KCNH8: variants seen among roughly 807,000 people sequenced by gnomAD.
The protein encoded by KCNH8 is voltage-gated delayed rectifier potassium channel KCNH8.
A neutral mutation model predicts 103.6 loss-of-function variants in KCNH8; 70 were observed. The observed-to-expected ratio is 0.68, with a 90% CI of 0.56 to 0.82. The LOEUF (loss-of-function observed/expected upper bound fraction) is 0.82, where lower values mean the gene tolerates loss of function less well. Among genes scored for constraint, KCNH8 ranks in the 40% least tolerant of loss-of-function variants. The pLI is 0.00. For synonymous variants in KCNH8, 498 were observed against 489.4 expected, an observed-to-expected ratio of 1.02 and a Z score of -0.23; for missense variants, 1,217 against 1,329.9, an observed-to-expected ratio of 0.92 and a Z score of 1.32.
intron 4 of KCNH8, among the ~76,000 whole-genome samples, chr3:19,345,358 C>G (rs773938929): frequency 6.6e-6 from 1 of 152,000 alleles, no homozygotes; most frequent in Non-Finnish European, 1.5e-5. Flanking sequence ...TTCTCTTGCT[C>G]ATTCAGATGA....
intron 1 of KCNH8, among the ~76,000 whole-genome samples, chr3:19,179,247 T>C (rs1404147301): frequency 6.6e-6 from 1 of 152,132 alleles, no homozygotes; most frequent in Non-Finnish European, 1.5e-5. Flanking sequence ...TCTGTGGTGA[T>C]AGTAAAATAC....
chr3:19,411,643 A>G (rs2066780950), intron 7 of KCNH8, among the ~76,000 whole-genome samples: 2 of 152,138 alleles, frequency 1.3e-5, no homozygotes, highest in South Asian at 4.2e-4. Flanking sequence ...CCTGAAACTG[A>G]TAAACAACTT....
chr3:19,274,686 T>C (rs1286607566), intron 2 of KCNH8, among the ~76,000 whole-genome samples: 1 of 152,076 alleles, frequency 6.6e-6, no homozygotes, highest in African/African-American at 2.4e-5. Context: ...ATTAGAGATT[T>C]CTGAGAGGTG....
In KCNH8 at chr3:19,324,310, A is replaced by G. The variant is rs2065391261; in HGVS notation, c.443-18277A>G. Among the ~76,000 whole-genome samples, 3 of 152,322 alleles carry G rather than the reference A, an allele frequency of 2.0e-5. No homozygotes were observed. The South Asian group carries it at 6.2e-4, about 32-fold the overall frequency. On this transcript the variant is annotated intron_variant, in intron 3 of 15. Coordinates refer to ENST00000328405, the MANE Select transcript of KCNH8 (RefSeq NM_144633.3). ...GGGAGGCCTCGGGAAACTTACAATC[A>G]TGGCAGAAGGTAAAGAAGAAAGCAA...
intron 9 of KCNH8, chr3:19,450,865 T>A (rs1486251621): frequency 1.3e-5 from 5 of 381,844 alleles, no homozygotes; most frequent in Non-Finnish European, 2.4e-5. Flanking sequence ...CTGTCCTGAC[T>A]AGGACTCTCT....
At chr3:19,300,765 T>A (rs2065054851) in intron 3 of KCNH8, among the ~76,000 whole-genome samples, 1 of 151,914 alleles carries the variant, frequency 6.6e-6, no homozygotes, top group African/African-American at 2.4e-5. Context: ...ATTTAGATGT[T>A]ATATCCAACC....
At chr3:19,168,239 G>C (rs908198097) in intron 1 of KCNH8, among the ~76,000 whole-genome samples, 14 of 151,936 alleles carry the variant, frequency 9.2e-5, no homozygotes, top group Non-Finnish European at 1.5e-4. Context: ...TGTTGAGTAG[G>C]CTGGTCACTA....
intron 3 of KCNH8, among the ~76,000 whole-genome samples, chr3:19,317,656 AT>A (rs2065291065): frequency 6.6e-6 from 1 of 151,860 alleles, no homozygotes; most frequent in Admixed American, 6.6e-5. Flanking sequence ...GTCAATCATA[AT>A]CATAATAAAT....
At chr3:19,149,471 A>G (rs2063107937) in intron 1 of KCNH8, among the ~76,000 whole-genome samples, 1 of 151,912 alleles carries the variant, frequency 6.6e-6, no homozygotes, top group African/African-American at 2.4e-5. Flanking sequence ...TTGAGTACGA[A>G]TATTATTGGA....
chr3:19,254,587 A>G (rs150527992), intron 2 of KCNH8, among the ~76,000 whole-genome samples: 1 of 152,282 alleles, frequency 6.6e-6, no homozygotes, highest in Non-Finnish European at 1.5e-5. Flanking sequence ...AGTTCTATGT[A>G]GGAATACATA....
intron 3 of KCNH8, among the ~76,000 whole-genome samples, chr3:19,321,132 C>A (rs573170689): frequency 1.3e-5 from 2 of 151,884 alleles, no homozygotes; most frequent in East Asian, 3.9e-4. Context: ...TTTAAAGAAC[C>A]AGGTTTTTGG....
chr3:19,485,310 C>T (rs966708385), intron 11 of KCNH8, among the ~76,000 whole-genome samples: 1 of 152,206 alleles, frequency 6.6e-6, no homozygotes, highest in African/African-American at 2.4e-5. Flanking sequence ...GTTACCTCCA[C>T]ATTTTGGCAT....
intron 1 of KCNH8, among the ~76,000 whole-genome samples, chr3:19,184,874 A>C (rs1411044239): frequency 6.6e-6 from 1 of 151,974 alleles, no homozygotes; most frequent in Non-Finnish European, 1.5e-5. Flanking sequence ...AGAATCATAC[A>C]ATATGTAGTC....
intron 1 of KCNH8, among the ~76,000 whole-genome samples, chr3:19,174,721 C>A (rs1444597924): frequency 6.6e-6 from 1 of 152,136 alleles, no homozygotes; most frequent in Non-Finnish European, 1.5e-5. Flanking sequence ...AATCACTATT[C>A]TCCTAGTGGT....
intron 8 of KCNH8, among the ~76,000 whole-genome samples, chr3:19,441,164 A>G (rs769187964): frequency 3.9e-5 from 6 of 152,134 alleles, no homozygotes; most frequent in Admixed American, 6.5e-5. Context: ...CTCCTCAGAC[A>G]ATCTTGCATC....
chr3:19,435,489 C>G (rs1268336294), intron 7 of KCNH8, among the ~76,000 whole-genome samples: 1 of 152,128 alleles, frequency 6.6e-6, no homozygotes, highest in East Asian at 1.9e-4. Context: ...GCACAGGTAG[C>G]ACTTAATAAA....
At chr3:19,231,528 A>T (rs1408566308) in intron 1 of KCNH8, among the ~76,000 whole-genome samples, 1 of 152,218 alleles carries the variant, frequency 6.6e-6, no homozygotes, top group African/African-American at 2.4e-5. Flanking sequence ...TAGTAAATTT[A>T]TATATTGAAA....
At chr3:19,354,220 G>A (rs900106123) in intron 5 of KCNH8, among the ~76,000 whole-genome samples, 41 of 152,108 alleles carry the variant, frequency 2.7e-4, no homozygotes, top group Admixed American at 3.3e-4. Flanking sequence ...ACTGCTCATC[G>A]AAGTAAAAGA....
intron 1 of KCNH8, among the ~76,000 whole-genome samples, chr3:19,202,147 T>C (rs1418651186): frequency 6.6e-6 from 1 of 152,102 alleles, no homozygotes; most frequent in East Asian, 1.9e-4. Flanking sequence ...GAAAGGGACT[T>C]CATGAGGAGG....
Sources: allele counts gnomAD v4.1 joint callset (sites outside exome capture counted in the v4.1 genomes callset), GRCh38; gene constraint gnomAD v4.1.1; transcripts MANE v1.5; gene names NCBI Gene and HGNC (gene_info 2026-07-23, HGNC 2026-07-21).